KIF11: variants seen among roughly 807,000 people sequenced by gnomAD.
KIF11 encodes the protein kinesin family member 11.
In KIF11, 9 loss-of-function variants were observed where a neutral mutation model predicts 121.0. That is an observed-to-expected ratio of 0.07 (90% CI 0.04 to 0.13). The LOEUF is 0.13. Ranked by LOEUF, KIF11 falls within the 10% of genes least tolerant of loss-of-function variation. KIF11 has a pLI of 1.00. For missense variants in KIF11, 846 were observed against 1,217.5 expected (o/e 0.69, Z 4.54); for synonymous variants, 408 against 421.0 (o/e 0.97, Z 0.38).
intron 1 of KIF11, among the ~76,000 whole-genome samples, chr10:92,603,768 G>A (rs1564703422): frequency 1.3e-5 from 2 of 152,136 alleles, no homozygotes; most frequent in Admixed American, 6.6e-5. Context: ...GATTACAGGC[G>A]TGAGCCACTG....
intron 1 of KIF11, among the ~76,000 whole-genome samples, chr10:92,594,823 T>C (rs1200349600): frequency 6.6e-6 from 1 of 152,204 alleles, no homozygotes; most frequent in Middle Eastern, 3.2e-3. Context: ...ATGAATAGAA[T>C]AGTTCTTTGC....
intron 9 of KIF11, among the ~76,000 whole-genome samples, chr10:92,617,717 T>G (rs564679017): frequency 2.0e-5 from 3 of 151,872 alleles, no homozygotes; most frequent in Admixed American, 2.0e-4. Context: ...AAAATGGTAC[T>G]TCAGTACGGT....
chr10:92,596,836 G>T, intron 1 of KIF11: 1 of 167,742 alleles, frequency 6.0e-6, no homozygotes, highest in Non-Finnish European at 1.3e-5. Context: ...ATACCGTGTG[G>T]TCTTTTCCTT....
intron 9 of KIF11, 146 bp downstream of exon 9, chr10:92,616,978 A>G (rs1476068750): frequency 3.6e-5 from 18 of 494,922 alleles, no homozygotes; most frequent in Non-Finnish European, 1.1e-5. Context: ...AATGTCTTAC[A>G]TGTTAACATA....
intron 16 of KIF11, among the ~76,000 whole-genome samples, chr10:92,637,782 G>T (rs1255703952): frequency 6.6e-6 from 1 of 152,152 alleles, no homozygotes; most frequent in African/African-American, 2.4e-5. Flanking sequence ...TGACAAAACA[G>T]TCCTTTTCTC....
chr10:92,647,095 C>T (rs7069619), intron 18 of KIF11, among the ~76,000 whole-genome samples: 152,205 of 152,340 alleles, frequency 1, 76,036 homozygotes, highest in Middle Eastern at 1. Context: ...GCATTTTGTG[C>T]TTGCAGTACT....
chr10:92,619,861 A>C (rs1844599093), intron 9 of KIF11, among the ~76,000 whole-genome samples: 1 of 150,706 alleles, frequency 6.6e-6, no homozygotes, highest in African/African-American at 2.4e-5. Context: ...TTCCCATTAT[A>C]ATTTATTTGG....
At position 92,654,809 on chromosome 10, in the gene KIF11, TA is replaced by T. The variant is rs909759730; in HGVS notation, c.*1015del. Reference sequence around the variant, plus strand: ...TGACAGAGTTCACAAAAAGCCCACTTAAGAGTATACATTGCTATTATGGGAG... The same window carrying T: ...TGACAGAGTTCACAAAAAGCCCACTTAGAGTATACATTGCTATTATGGGAG... On this transcript the variant is annotated 3_prime_UTR_variant, in exon 22 of 22. Coordinates refer to ENST00000260731, the MANE Select transcript of KIF11 (RefSeq NM_004523.4). 1 of 152,584 alleles carries T rather than the reference TA, an allele frequency of 6.6e-6. No individual in the cohort carries two copies. The highest frequency in any genetic ancestry group is 1.5e-5 in the Non-Finnish European group (1 of 68,044). The allele number at this position is 152,584 out of a possible 1,614,324, so 9.5% of individuals were successfully genotyped here.
At chr10:92,653,063 A>C (rs888766911) in intron 21 of KIF11, among the ~76,000 whole-genome samples, 4 of 152,250 alleles carry the variant, frequency 2.6e-5, no homozygotes, top group African/African-American at 9.6e-5. Flanking sequence ...AATAAAATAC[A>C]ATTTTAAAAA....
chr10:92,597,437 G>A (rs531298014), intron 1 of KIF11: 2 of 152,782 alleles, frequency 1.3e-5, no homozygotes, highest in East Asian at 3.9e-4. Context: ...CTAATTTTTT[G>A]TATTTTTAGT....
chr10:92,649,332 G>C (rs578023342), intron 19 of KIF11, among the ~76,000 whole-genome samples: 3 of 152,106 alleles, frequency 2.0e-5, no homozygotes, highest in Non-Finnish European at 4.4e-5. Context: ...CTGATGCGGT[G>C]GCTCACACCT....
chr10:92,598,817 G>A (rs1050273030), intron 1 of KIF11, among the ~76,000 whole-genome samples: 4 of 151,886 alleles, frequency 2.6e-5, no homozygotes, highest in African/African-American at 4.8e-5. Context: ...CGCTCTTGTT[G>A]TCCAGGCTGG....
intron 17 of KIF11, 151 bp from the exon 18 acceptor site, chr10:92,645,212 C>A: frequency 3.5e-6 from 2 of 578,950 alleles, no homozygotes; most frequent in South Asian, 2.3e-5. Context: ...GGCATCCATT[C>A]TCAATGCAGA....
chr10:92,615,184 A>G (rs936291313), intron 8 of KIF11, among the ~76,000 whole-genome samples: 7 of 152,004 alleles, frequency 4.6e-5, no homozygotes, highest in African/African-American at 1.7e-4. Context: ...TGAGTGGATC[A>G]TCTGAGCTCA....
intron 1 of KIF11, among the ~76,000 whole-genome samples, chr10:92,605,485 T>G: frequency 7.0e-6 from 1 of 143,316 alleles, no homozygotes; most frequent in East Asian, 2.1e-4. Context: ...TGATCGGATT[T>G]TTTTTTTTTT....
chr10:92,606,721 G>C lies in KIF11; in HGVS notation c.308+5G>C. On this transcript the variant is annotated splice_donor_5th_base_variant and intron_variant, in intron 3 of 21. Transcript: ENST00000260731. ...CTATAATTGCACTATCTTTGCGTAAGTAAAAGGGTGTTTTTTCTGATTTAT... is the reference window on the plus strand; with the variant it reads ...CTATAATTGCACTATCTTTGCGTAACTAAAAGGGTGTTTTTTCTGATTTAT... 7.8e-7 allele frequency: 1 copy of C among 1,289,242 alleles called. No individual in the cohort carries two copies. The highest frequency in any genetic ancestry group is 1.1e-6 in the Non-Finnish European group (1 of 894,464). 79.9% of individuals were successfully genotyped at this position (1,289,242 alleles called of 1,614,324 possible). A position where few individuals can be genotyped will look rare whatever the true frequency, so the allele number is the denominator to read the frequency against.
At chr10:92,614,013 T>A (rs1589594054) in intron 8 of KIF11, among the ~76,000 whole-genome samples, 1 of 96,156 alleles carries the variant, frequency 1.0e-5, no homozygotes, top group Admixed American at 1.2e-4. Context: ...AAAAGAAAAG[T>A]ATGTGTATAC....
intron 21 of KIF11, among the ~76,000 whole-genome samples, chr10:92,651,492 T>C (rs1191358934): frequency 7.2e-6 from 1 of 139,750 alleles, no homozygotes; most frequent in Non-Finnish European, 1.5e-5. Flanking sequence ...TGTGCCACCA[T>C]GCCTGGCTAA....
At chr10:92,633,273 A>G (rs1398119692) in intron 13 of KIF11, among the ~76,000 whole-genome samples, 1 of 151,932 alleles carries the variant, frequency 6.6e-6, no homozygotes, top group Admixed American at 6.6e-5. Context: ...CAAGCACTAT[A>G]CTTTTTGGTA....
Sources: allele counts gnomAD v4.1 joint callset (sites outside exome capture counted in the v4.1 genomes callset), GRCh38; gene constraint gnomAD v4.1.1; transcripts MANE v1.5; gene names NCBI Gene and HGNC (gene_info 2026-07-23, HGNC 2026-07-21).